The following CNTNAP2 variants were observed in gnomAD, a reference collection of about 807,000 sequenced individuals.
CNTNAP2 encodes contactin-associated protein-like 2.
In CNTNAP2, 98 loss-of-function variants were observed where a neutral mutation model predicts 155.2. The observed-to-expected ratio is 0.63, with a 90% confidence interval of 0.54 to 0.75. The LOEUF (loss-of-function observed/expected upper bound fraction) is 0.75, where lower values mean the gene tolerates loss of function less well. Ranked by LOEUF, CNTNAP2 falls within the 30% of genes least tolerant of loss-of-function variation. CNTNAP2 has a pLI of 0.00. For missense variants in CNTNAP2, 1,727 were observed against 1,688.1 expected, an observed-to-expected ratio of 1.02 and a Z score of -0.40; for synonymous variants, 651 against 631.2, an observed-to-expected ratio of 1.03 and a Z score of -0.47.
In CNTNAP2 at chr7:147,641,009, C is replaced by A. The variant is rs533449880; in HGVS notation, c.2098+1703C>A. On this transcript the variant is annotated intron_variant, in intron 13 of 23. Coordinates refer to ENST00000361727, the MANE Select transcript of CNTNAP2 (RefSeq NM_014141.6). ...CTACCCACATGGAGATATGTGGGGG[C>A]GGCCATGTTGCCAGGCACATGTGAG... 6.8e-4 allele frequency among the ~76,000 whole-genome samples: 104 copies of A among 152,224 alleles called. 1 individual carries two copies. Among genetic ancestry groups the A allele is most frequent in the Admixed American group, 2.9e-3 (45 of 15,294 alleles).
chr7:147,679,874 A>G (rs965776692), intron 13 of CNTNAP2, among the ~76,000 whole-genome samples: 2 of 151,984 alleles, frequency 1.3e-5, no homozygotes, highest in Non-Finnish European at 2.9e-5. Flanking sequence ...ATCAGGATTG[A>G]AAAAAGGACA....
intron 12 of CNTNAP2, among the ~76,000 whole-genome samples, chr7:147,606,259 A>G (rs934911284): frequency 1.3e-5 from 2 of 152,228 alleles, no homozygotes; most frequent in African/African-American, 4.8e-5. Context: ...CCATAAATGA[A>G]TCACCTTAGT....
intron 8 of CNTNAP2, among the ~76,000 whole-genome samples, chr7:147,141,361 T>A (rs950077914): frequency 2.0e-5 from 3 of 152,124 alleles, no homozygotes; most frequent in African/African-American, 7.2e-5. Flanking sequence ...ATTGCTGACC[T>A]ATTTGTTAGG....
intron 1 of CNTNAP2, among the ~76,000 whole-genome samples, chr7:146,142,719 GT>G (rs1242735585): frequency 6.6e-6 from 1 of 152,078 alleles, no homozygotes; most frequent in Non-Finnish European, 1.5e-5. Flanking sequence ...TTCTAATTCT[GT>G]GTAAAATAAT....
intron 9 of CNTNAP2, among the ~76,000 whole-genome samples, chr7:147,383,719 T>C (rs2116936072): frequency 6.6e-6 from 1 of 152,242 alleles, no homozygotes; most frequent in East Asian, 1.9e-4. Context: ...CAAACCACCA[T>C]GGCACATGTG....
chr7:148,122,066 C>A (rs1048516054), intron 16 of CNTNAP2, among the ~76,000 whole-genome samples: 3 of 152,140 alleles, frequency 2.0e-5, no homozygotes, highest in African/African-American at 4.8e-5. Context: ...TTTCAGGCCT[C>A]GTTCCAGGCG....
chr7:147,816,558 G>A (rs1368386453), intron 13 of CNTNAP2, among the ~76,000 whole-genome samples: 1 of 152,082 alleles, frequency 6.6e-6, no homozygotes, highest in Non-Finnish European at 1.5e-5. Context: ...GAGATGGTTA[G>A]CCTACAGTTC....
intron 14 of CNTNAP2, among the ~76,000 whole-genome samples, chr7:147,971,606 A>G (rs1801335909): frequency 6.6e-6 from 1 of 152,120 alleles, no homozygotes; most frequent in Non-Finnish European, 1.5e-5. Context: ...AGGTTTGTTC[A>G]TGTTGCAACA....
intron 1 of CNTNAP2, among the ~76,000 whole-genome samples, chr7:146,733,102 G>A (rs1235090412): frequency 1.3e-5 from 2 of 152,054 alleles, no homozygotes; most frequent in Non-Finnish European, 1.5e-5. Flanking sequence ...ATTGAGAATG[G>A]AAATCCTATG....
At chr7:148,409,689 G>T (rs1426852036) in intron 23 of CNTNAP2, among the ~76,000 whole-genome samples, 2 of 151,554 alleles carry the variant, frequency 1.3e-5, no homozygotes, top group African/African-American at 4.9e-5. Context: ...GGCCGAGGTG[G>T]GCAGATCACC....
At chr7:147,422,380 G>GTGTA (rs1449792860) in intron 10 of CNTNAP2, among the ~76,000 whole-genome samples, 3 of 150,998 alleles carry the variant, frequency 2.0e-5, no homozygotes, top group East Asian at 1.9e-4. Context: ...TATATACATT[G>GTGTA]TGTATGTATA....
chr7:147,788,787 T>G (rs936322652), intron 13 of CNTNAP2, among the ~76,000 whole-genome samples: 9 of 152,044 alleles, frequency 5.9e-5, no homozygotes, highest in African/African-American at 2.2e-4. Flanking sequence ...CGCAGCCAGT[T>G]GCTGATGCAA....
At chr7:147,016,264 T>C (rs139442039) in intron 3 of CNTNAP2, among the ~76,000 whole-genome samples, 18 of 152,088 alleles carry the variant, frequency 1.2e-4, no homozygotes, top group Middle Eastern at 3.4e-3. Flanking sequence ...CTAACTGTCA[T>C]TGGTGAAAAG....
At chr7:147,253,154 C>T (rs928242732) in intron 8 of CNTNAP2, among the ~76,000 whole-genome samples, 2 of 152,180 alleles carry the variant, frequency 1.3e-5, no homozygotes, top group African/African-American at 2.4e-5. Flanking sequence ...GTATTGGCTA[C>T]TGCCCGTTCT....
intron 13 of CNTNAP2, among the ~76,000 whole-genome samples, chr7:147,802,567 A>G (rs1798019548): frequency 6.6e-6 from 1 of 152,174 alleles, no homozygotes. Flanking sequence ...CGCGGTTACG[A>G]GCTGGAGACC....
intron 13 of CNTNAP2, among the ~76,000 whole-genome samples, chr7:147,868,190 G>A (rs377218154): frequency 2.8e-4 from 42 of 152,126 alleles, no homozygotes; most frequent in African/African-American, 5.3e-4. Flanking sequence ...TTAGTTTTCC[G>A]TCTAATAGTC....
chr7:146,155,730 G>A (rs117488841), intron 1 of CNTNAP2, among the ~76,000 whole-genome samples: 2,146 of 150,632 alleles, frequency 0.014, 27 homozygotes, highest in Middle Eastern at 0.038. Flanking sequence ...ATGGAGTCTC[G>A]CTCTTGTCGC....
At chr7:146,542,773 T>C (rs537842102) in intron 1 of CNTNAP2, among the ~76,000 whole-genome samples, 1 of 152,126 alleles carries the variant, frequency 6.6e-6, no homozygotes, top group South Asian at 2.1e-4. Flanking sequence ...AGCTGTTGAA[T>C]TACATGACTT....
At chr7:146,471,182 G>T (rs904298986) in intron 1 of CNTNAP2, among the ~76,000 whole-genome samples, 1 of 152,118 alleles carries the variant, frequency 6.6e-6, no homozygotes. Context: ...CTTAATCCAG[G>T]TTCACTAGAA....
Sources: allele counts gnomAD v4.1 joint callset (sites outside exome capture counted in the v4.1 genomes callset), GRCh38; gene constraint gnomAD v4.1.1; transcripts MANE v1.5; gene names NCBI Gene and HGNC (gene_info 2026-07-23, HGNC 2026-07-21).